Variants in HS3ST3B1 observed in about 807,000 individuals in gnomAD.
HS3ST3B1 encodes heparan sulfate-glucosamine 3-sulfotransferase 3B1.
Under a neutral mutation model 21.3 loss-of-function variants are expected in HS3ST3B1, and 13 were observed. The ratio of observed to expected loss-of-function variants is 0.61; its 90% CI spans 0.40 to 0.97. The LOEUF (loss-of-function observed/expected upper bound fraction) is 0.97, where lower values mean the gene tolerates loss of function less well. HS3ST3B1 is among the 50% of genes least tolerant of loss of function. The probability of loss-of-function intolerance (pLI) is 0.00; values close to 1 mark genes in which losing one functional copy is unlikely to be tolerated. For synonymous variants in HS3ST3B1, 234 were observed against 254.8 expected (o/e 0.92, Z 0.78); for missense variants, 459 against 554.8 (o/e 0.83, Z 1.73).
chr17:14,343,114 C>T (rs902523796), intron 1 of HS3ST3B1, among the ~76,000 whole-genome samples: 2 of 151,814 alleles, frequency 1.3e-5, no homozygotes, highest in South Asian at 2.1e-4. Context: ...TGGTGGTGGG[C>T]GCCTGTAGTC....
intron 1 of HS3ST3B1, among the ~76,000 whole-genome samples, chr17:14,317,561 A>G (rs1158500341): frequency 1.3e-5 from 2 of 152,196 alleles, no homozygotes; most frequent in African/African-American, 4.8e-5. Context: ...AAGCACGGAT[A>G]GGAGCTTGCT....
chr17:14,311,674 C>T (rs1178099290), intron 1 of HS3ST3B1, among the ~76,000 whole-genome samples: 2 of 152,156 alleles, frequency 1.3e-5, no homozygotes, highest in African/African-American at 4.8e-5. Context: ...CCTCAAAAAT[C>T]CCGTCGGTGC....
chr17:14,309,957 C>G (rs771520223), intron 1 of HS3ST3B1, among the ~76,000 whole-genome samples: 6 of 152,178 alleles, frequency 3.9e-5, no homozygotes, highest in Non-Finnish European at 7.3e-5. Context: ...CAATTTGCAA[C>G]GAGCACGTTT....
intron 1 of HS3ST3B1, among the ~76,000 whole-genome samples, chr17:14,333,734 T>C (rs1249320145): frequency 1.3e-5 from 2 of 152,088 alleles, no homozygotes; most frequent in African/African-American, 2.4e-5. Context: ...CCTAGCCAGA[T>C]TCTTACTGAA....
rs750091083 is a variant in HS3ST3B1 at position 14,345,659 on chromosome 17, T to G, written c.*13T>G. ...TGGCTGGGATTGAGCAGACCCGGGC[T>G]ATGTACCTTACCCACGTGGCTTATC... On this transcript the variant is annotated 3_prime_UTR_variant, in exon 2 of 2. Transcript: ENST00000360954. 31 of 1,610,294 alleles carry G rather than the reference T, an allele frequency of 1.9e-5. No individual in the cohort carries two copies. In the Admixed American group the frequency reaches 5.2e-4, roughly 27 times the overall value.
At chr17:14,319,401 G>A (rs1048552036) in intron 1 of HS3ST3B1, among the ~76,000 whole-genome samples, 1 of 152,148 alleles carries the variant, frequency 6.6e-6, no homozygotes, top group African/African-American at 2.4e-5. Flanking sequence ...TATCCATTTG[G>A]AAGCCAACAG....
In HS3ST3B1 at chr17:14,345,611, T is replaced by C; in HGVS notation, c.1138T>C (p.Tyr380His). The C allele has an allele frequency of 6.2e-7, 1 of 1,612,732 alleles. No individual in the cohort carries two copies. The highest frequency in any genetic ancestry group is 8.5e-7 in the Non-Finnish European group (1 of 1,179,240). The change falls in exon 2 of 2, where the codon TAC (tyrosine) becomes CAC (histidine). Residue 380 changes from tyrosine (Y) to histidine (H), a missense_variant. Transcript: ENST00000360954. ...CTACCGGCCTTTCAACCTCAAGTTC[T>C]ACCAGATGACCGGGCACGACTTTGG... is the stretch of plus-strand genomic sequence containing the variant. ...EFYRPFNLKF[Y>H]QMTGHDFGWD
intron 1 of HS3ST3B1, among the ~76,000 whole-genome samples, chr17:14,314,494 TACC>T (rs1909439564): frequency 6.6e-6 from 1 of 152,204 alleles, no homozygotes; most frequent in Admixed American, 6.5e-5. Context: ...TCTCACCTTC[TACC>T]ACCACCAGTT....
At chr17:14,338,408 G>A (rs1910261907) in intron 1 of HS3ST3B1, among the ~76,000 whole-genome samples, 1 of 151,600 alleles carries the variant, frequency 6.6e-6, no homozygotes, top group Non-Finnish European at 1.5e-5. Flanking sequence ...ACAGATGTGA[G>A]CCAACACGCC....
chr17:14,346,352 A>G lies in HS3ST3B1; in HGVS notation c.*706A>G, dbSNP rs1910577734. On this transcript the variant is annotated 3_prime_UTR_variant, in exon 2 of 2. Coordinates refer to ENST00000360954, the MANE Select transcript of HS3ST3B1 (RefSeq NM_006041.3). Reference sequence around the variant, plus strand: ...ACCACAACCTCTGGCTCCCGGTTCAAGCGATTCTCCTGTCTCAGCCTCCCA... The same window carrying G: ...ACCACAACCTCTGGCTCCCGGTTCAGGCGATTCTCCTGTCTCAGCCTCCCA... 6.9e-6 allele frequency: 1 copy of G among 144,426 alleles called. No homozygotes were observed. The highest frequency in any genetic ancestry group is 7.8e-5 in the Admixed American group (1 of 12,800). The allele number at this position is 144,426 out of a possible 1,614,324, so 8.9% of individuals were successfully genotyped here.
chr17:14,342,248 T>C (rs904164998), intron 1 of HS3ST3B1, among the ~76,000 whole-genome samples: 3 of 151,576 alleles, frequency 2.0e-5, no homozygotes, highest in African/African-American at 4.9e-5. Flanking sequence ...GAAATTCTCT[T>C]TTTTTTTTCC....
chr17:14,316,026 G>T (rs1357956387), intron 1 of HS3ST3B1, among the ~76,000 whole-genome samples: 6 of 152,160 alleles, frequency 3.9e-5, no homozygotes, highest in Admixed American at 1.3e-4. Flanking sequence ...GAGGCATTGT[G>T]TCTATCCAGA....
chr17:14,302,095 G>A (rs1474524544), intron 1 of HS3ST3B1, 23 bp downstream of exon 1: 4 of 1,576,320 alleles, frequency 2.5e-6, no homozygotes, highest in Non-Finnish European at 3.4e-6. Flanking sequence ...GCCAGGGGCA[G>A]GGTCTCCATC....
chr17:14,334,293 A>C (rs1318812411), intron 1 of HS3ST3B1, among the ~76,000 whole-genome samples: 1 of 147,790 alleles, frequency 6.8e-6, no homozygotes, highest in Admixed American at 6.7e-5. Context: ...AATTGACTTT[A>C]TTTTTAAGAG....
At chr17:14,317,644 A>T (rs568108681) in intron 1 of HS3ST3B1, among the ~76,000 whole-genome samples, 5 of 152,138 alleles carry the variant, frequency 3.3e-5, no homozygotes, top group Non-Finnish European at 5.9e-5. Flanking sequence ...CCAGAGAAGC[A>T]CAGAAGAGCA....
At chr17:14,306,138 T>A (rs562223030) in intron 1 of HS3ST3B1, among the ~76,000 whole-genome samples, 7 of 152,350 alleles carry the variant, frequency 4.6e-5, no homozygotes, top group African/African-American at 1.7e-4. Flanking sequence ...CAGCGCAGAC[T>A]GCAGATTTTG....
chr17:14,345,387 C>T lies in HS3ST3B1; in HGVS notation c.914C>T (p.Ala305Val). The change falls in exon 2 of 2, where the codon GCC (alanine) becomes GTC (valine). Residue 305 changes from alanine (A) to valine (V), a missense_variant. By Grantham distance (64) the Ala-to-Val change is moderately conservative (BLOSUM62 0). This residue lies in a region of HS3ST3B1 where 127 missense variants were observed against 209.9 expected (regional missense o/e 0.60). Transcript: ENST00000360954. ...VSGERLISDP[A>V]GELGRVQDFL... ...GGCGAGCGGCTCATCAGCGACCCGG[C>T]CGGGGAGCTGGGCCGCGTGCAAGAC... 2.5e-6 allele frequency: 3 copies of T among 1,189,274 alleles called. No homozygotes were observed. The East Asian group carries it at 7.6e-5, about 30-fold the overall frequency. The allele number at this position is 1,189,274 out of a possible 1,614,324, so 73.7% of individuals were successfully genotyped here.
chr17:14,320,729 G>A (rs1909634075), intron 1 of HS3ST3B1, among the ~76,000 whole-genome samples: 2 of 152,138 alleles, frequency 1.3e-5, no homozygotes, highest in Admixed American at 6.5e-5. Context: ...GTTGCCTTTT[G>A]CCTGTCTGGA....
At chr17:14,339,987 G>A (rs72820612) in intron 1 of HS3ST3B1, among the ~76,000 whole-genome samples, 1 of 152,308 alleles carries the variant, frequency 6.6e-6, no homozygotes, top group Non-Finnish European at 1.5e-5. Context: ...GAAAGAACTT[G>A]ACTCCAGGAC....
Sources: gnomAD v4.1 joint callset for allele counts (sites outside exome capture counted in the v4.1 genomes callset) on GRCh38, gnomAD v4.1.1 for gene constraint, gnomAD v4.1.1 regional missense constraint, MANE v1.5 for transcripts, NCBI Gene and HGNC (gene_info 2026-07-23, HGNC 2026-07-21) for gene names.